Variants in DUSP10 observed in about 807,000 individuals in gnomAD.
DUSP10 encodes dual specificity protein phosphatase 10.
Under a neutral mutation model 30.8 loss-of-function variants are expected in DUSP10, and 14 were observed. The ratio of observed to expected loss-of-function variants is 0.46; its 90% CI spans 0.30 to 0.71. DUSP10 has a LOEUF of 0.71. Among genes scored for constraint, DUSP10 ranks in the 30% least tolerant of loss-of-function variants. The pLI, the probability that DUSP10 is intolerant of heterozygous loss-of-function variation, is 0.08. For missense variants in DUSP10, 550 were observed against 619.4 expected (o/e 0.89, Z 1.19); for synonymous variants, 254 against 250.4 (o/e 1.01, Z -0.14).
chr1:221,720,446 T>C (rs1661249565), intron 2 of DUSP10, among the ~76,000 whole-genome samples: 1 of 152,226 alleles, frequency 6.6e-6, no homozygotes, highest in African/African-American at 2.4e-5. Context: ...GTAATATCTT[T>C]TATAATAAAT....
intron 2 of DUSP10, among the ~76,000 whole-genome samples, chr1:221,736,028 G>A (rs1259102407): frequency 6.6e-6 from 1 of 152,188 alleles, no homozygotes; most frequent in Non-Finnish European, 1.5e-5. Context: ...TAGAAGATGA[G>A]ACTAAAACAT....
At chr1:221,729,607 T>C (rs1661522855) in intron 2 of DUSP10, among the ~76,000 whole-genome samples, 1 of 152,214 alleles carries the variant, frequency 6.6e-6, no homozygotes, top group South Asian at 2.1e-4. Flanking sequence ...GACACATATA[T>C]GACAGCCCAA....
chr1:221,704,329 A>G (rs1240344390), intron 3 of DUSP10, among the ~76,000 whole-genome samples: 3 of 152,180 alleles, frequency 2.0e-5, no homozygotes, highest in Non-Finnish European at 4.4e-5. Flanking sequence ...AAAAAAAAAA[A>G]AAAAGGCAGG....
intron 3 of DUSP10, among the ~76,000 whole-genome samples, chr1:221,704,508 G>C (rs1571804974): frequency 2.0e-5 from 3 of 152,294 alleles, no homozygotes; most frequent in Admixed American, 2.0e-4. Context: ...GTATCAACCA[G>C]AAGTTCCTCA....
chr1:221,705,115 T>TG (rs1461390597), intron 3 of DUSP10, among the ~76,000 whole-genome samples: 4 of 151,754 alleles, frequency 2.6e-5, no homozygotes, highest in African/African-American at 9.7e-5. Flanking sequence ...TTGAGTGTTT[T>TG]TTTTTTTTTT....
chr1:221,715,980 C>T (rs182119847), intron 2 of DUSP10, among the ~76,000 whole-genome samples: 3 of 151,126 alleles, frequency 2.0e-5, no homozygotes, highest in Non-Finnish European at 4.4e-5. Context: ...GCTCCTCTAC[C>T]CTGATCCCTC....
intron 3 of DUSP10, among the ~76,000 whole-genome samples, chr1:221,703,326 T>A (rs756583434): frequency 6.6e-6 from 1 of 152,218 alleles, no homozygotes; most frequent in South Asian, 2.1e-4. Context: ...TCACTTGTAA[T>A]AGAGAAAAAA....
chr1:221,717,164 GA>G (rs751868919), intron 2 of DUSP10, among the ~76,000 whole-genome samples: 2 of 152,158 alleles, frequency 1.3e-5, no homozygotes, highest in South Asian at 4.1e-4. Context: ...TGAGGTATGA[GA>G]GGGGACGGAA....
intron 2 of DUSP10, among the ~76,000 whole-genome samples, chr1:221,709,328 C>T (rs1034162486): frequency 2.0e-5 from 3 of 151,000 alleles, no homozygotes; most frequent in Non-Finnish European, 2.9e-5. Context: ...AAACCCGTGG[C>T]GGAGTGGGGG....
At chr1:221,712,038 T>G (rs1401410488) in intron 2 of DUSP10, among the ~76,000 whole-genome samples, 2 of 152,212 alleles carry the variant, frequency 1.3e-5, no homozygotes, top group African/African-American at 2.4e-5. Flanking sequence ...TGTGGGGTGG[T>G]GGTGGGTACC....
At chr1:221,710,568 T>TA (rs1317955040) in intron 2 of DUSP10, among the ~76,000 whole-genome samples, 1 of 152,154 alleles carries the variant, frequency 6.6e-6, no homozygotes, top group Non-Finnish European at 1.5e-5. Flanking sequence ...AGACTCTATA[T>TA]AAGTAAACTA....
chr1:221,709,737 C>T (rs932447585), intron 2 of DUSP10, among the ~76,000 whole-genome samples: 3 of 151,950 alleles, frequency 2.0e-5, no homozygotes, highest in African/African-American at 4.8e-5. Context: ...TTGTTTTCTT[C>T]TCTTGGGGAA....
chr1:221,733,254 T>G (rs1661669209), intron 2 of DUSP10, among the ~76,000 whole-genome samples: 1 of 152,210 alleles, frequency 6.6e-6, no homozygotes, highest in South Asian at 2.1e-4. Context: ...TTCAGATGGG[T>G]TTGCCTAAAG....
intron 2 of DUSP10, among the ~76,000 whole-genome samples, chr1:221,721,331 C>T (rs540965968): frequency 1.9e-4 from 29 of 152,212 alleles, no homozygotes; most frequent in Non-Finnish European, 3.2e-4. Context: ...AAAAAATAGT[C>T]CCCAAAGAGA....
chr1:221,734,879 G>A (rs115572553), intron 2 of DUSP10, among the ~76,000 whole-genome samples: 2,252 of 152,250 alleles, frequency 0.015, 29 homozygotes, highest in Non-Finnish European at 0.022. Context: ...TAACATCTCT[G>A]AGAGAAAAGG....
chr1:221,741,476 A>G (rs1281081113), intron 1 of DUSP10, among the ~76,000 whole-genome samples: 1 of 152,136 alleles, frequency 6.6e-6, no homozygotes, highest in African/African-American at 2.4e-5. Flanking sequence ...GGTCGGGCGT[A>G]CATACTGCCC....
At chr1:221,730,782 G>T (rs189097077) in intron 2 of DUSP10, among the ~76,000 whole-genome samples, 1 of 151,846 alleles carries the variant, frequency 6.6e-6, no homozygotes, top group African/African-American at 2.4e-5. Context: ...GGTCTTGCTC[G>T]GGTGGGGGAC....
chr1:221,714,397 A>C (rs577773831), intron 2 of DUSP10, among the ~76,000 whole-genome samples: 1 of 152,304 alleles, frequency 6.6e-6, no homozygotes, highest in Non-Finnish European at 1.5e-5. Flanking sequence ...GCACGTGTGG[A>C]TGCCAGCAGG....
chr1:221,703,836 T>C (rs1571804459), intron 3 of DUSP10, among the ~76,000 whole-genome samples: 1 of 152,262 alleles, frequency 6.6e-6, no homozygotes, highest in East Asian at 1.9e-4. Flanking sequence ...CTAAACTACA[T>C]CTACTGGCTA....
Sources: gnomAD v4.1 joint callset for allele counts (sites outside exome capture counted in the v4.1 genomes callset) on GRCh38, gnomAD v4.1.1 for gene constraint, MANE v1.5 for transcripts, NCBI Gene and HGNC (gene_info 2026-07-23, HGNC 2026-07-21) for gene names.